Variants in COBL observed in about 807,000 individuals in gnomAD.
COBL encodes protein cordon-bleu.
In COBL, 51 loss-of-function variants were observed where a neutral mutation model predicts 98.8. The ratio of observed to expected loss-of-function variants is 0.52; its 90% CI spans 0.41 to 0.65. The LOEUF is 0.65. COBL is among the 30% of genes least tolerant of loss of function. The probability of loss-of-function intolerance (pLI) is 0.00; values close to 1 mark genes in which losing one functional copy is unlikely to be tolerated. For synonymous variants in COBL, 634 were observed against 651.7 expected (o/e 0.97, Z 0.41); for missense variants, 1,617 against 1,617.5 (o/e 1.00, Z 0.01).
At chr7:51,275,659 C>T (rs1236347120) in intron 1 of COBL, among the ~76,000 whole-genome samples, 1 of 152,098 alleles carries the variant, frequency 6.6e-6, no homozygotes, top group Non-Finnish European at 1.5e-5. Flanking sequence ...CACCAACCAC[C>T]ACCAGCCGCC....
At chr7:51,233,176 T>C (rs1389924494) in intron 1 of COBL, among the ~76,000 whole-genome samples, 1 of 152,222 alleles carries the variant, frequency 6.6e-6, no homozygotes, top group Non-Finnish European at 1.5e-5. Context: ...TAATTATGTA[T>C]AGTGACAGAA....
intron 7 of COBL, among the ~76,000 whole-genome samples, chr7:51,080,270 C>A (rs1269014075): frequency 1.3e-5 from 2 of 152,198 alleles, no homozygotes; most frequent in African/African-American, 2.4e-5. Context: ...ATCCATTATC[C>A]ATTAGCTTTT....
intron 1 of COBL, among the ~76,000 whole-genome samples, chr7:51,233,340 C>T (rs180798689): frequency 8.9e-4 from 135 of 152,200 alleles, no homozygotes; most frequent in Non-Finnish European, 1.8e-3. Context: ...AACAGAAACG[C>T]CAGACCTAGA....
chr7:51,031,012 C>A, intron 8 of COBL, 103 bp from the exon 9 acceptor site: 1 of 794,580 alleles, frequency 1.3e-6, no homozygotes. Context: ...TACTCAAATT[C>A]AAGCAGTCAC....
intron 1 of COBL, among the ~76,000 whole-genome samples, chr7:51,309,763 A>G (rs954384604): frequency 1.3e-5 from 2 of 152,250 alleles, no homozygotes; most frequent in Non-Finnish European, 2.9e-5. Context: ...ACAGGCCACA[A>G]ACCAATGACA....
Position 51,021,701 on chromosome 7 carries a change from C to T in COBL, c.3768+3408G>A, listed in dbSNP as rs113955566. Among the ~76,000 whole-genome samples the T allele has an allele frequency of 4.2e-3, 647 of 152,246 alleles. 4 individuals carry two copies. Among genetic ancestry groups the T allele is most frequent in the African/African-American group, 0.014 (592 of 41,562 alleles). On this transcript the variant is annotated intron_variant, in intron 12 of 12. Transcript: ENST00000265136. ...GGCAAAGTCCATATAATTTGATGTT[C>T]GCATGCCATAATATACACGAAAGTG...
At chr7:51,033,076 T>A (rs947815556) in intron 8 of COBL, 1 of 151,940 alleles carries the variant, frequency 6.6e-6, no homozygotes, top group Non-Finnish European at 1.5e-5. Flanking sequence ...TTAAAAAAAA[T>A]AATAAGATAA....
chr7:51,142,383 ATTTTTT>A lies in COBL; in HGVS notation c.784-6058_784-6053del, dbSNP rs10608547. On this transcript the variant is annotated intron_variant, in intron 5 of 12. Coordinates refer to ENST00000265136, the MANE Select transcript of COBL (RefSeq NM_015198.5). ...ACAAAGAGTATCCAACTGGTATTTG[ATTTTTT>A]TTTTTTTTTTTTTTTTTTGAGACAG... is the stretch of plus-strand genomic sequence containing the variant. Among the ~76,000 whole-genome samples, 12 of 71,424 alleles carry A rather than the reference ATTTTTT, an allele frequency of 1.7e-4. No homozygotes were observed. The East Asian group carries it at 2.8e-3, about 16-fold the overall frequency. 46.9% of individuals were successfully genotyped at this position (71,424 alleles called of 152,430 possible).
At chr7:51,151,598 C>T (rs1785565889) in intron 5 of COBL, among the ~76,000 whole-genome samples, 1 of 152,184 alleles carries the variant, frequency 6.6e-6, no homozygotes, top group Admixed American at 6.5e-5. Context: ...GACCTGGTAG[C>T]TTCACAAAAG....
At chr7:51,231,913 C>T (rs541982732) in intron 1 of COBL, among the ~76,000 whole-genome samples, 6 of 152,210 alleles carry the variant, frequency 3.9e-5, no homozygotes, top group South Asian at 4.2e-4. Flanking sequence ...AGCAGCACCT[C>T]GGGGGGAGGG....
chr7:51,091,230 CA>C (rs537424407), intron 6 of COBL, among the ~76,000 whole-genome samples: 2 of 151,888 alleles, frequency 1.3e-5, no homozygotes, highest in African/African-American at 2.4e-5. Context: ...CCAGAAAAGA[CA>C]AAAAAATTAA....
intron 1 of COBL, among the ~76,000 whole-genome samples, chr7:51,290,599 C>T (rs1040290796): frequency 3.3e-5 from 5 of 151,992 alleles, no homozygotes; most frequent in Admixed American, 6.6e-5. Context: ...TTTAGGCTCG[C>T]CCCACCCTGC....
intron 1 of COBL, among the ~76,000 whole-genome samples, chr7:51,229,694 C>T (rs980669560): frequency 6.6e-6 from 1 of 152,114 alleles, no homozygotes; most frequent in Non-Finnish European, 1.5e-5. Flanking sequence ...TTTTTTTCTT[C>T]TCTTATCCCC....
intron 1 of COBL, among the ~76,000 whole-genome samples, chr7:51,270,390 T>G (rs1428238245): frequency 6.6e-6 from 1 of 152,208 alleles, no homozygotes. Flanking sequence ...AATATGCTCA[T>G]TCATTCACAT....
At position 51,042,108 on chromosome 7, in the gene COBL, G is replaced by C. The variant is rs116416970; in HGVS notation, c.1406+1275C>G. ...GGTACAAGAGGGCCCAAATGTGAGA[G>C]AGCAGTTTTACAAGAAATTCAGACT... On this transcript the variant is annotated intron_variant, in intron 8 of 12. Coordinates refer to ENST00000265136, the MANE Select transcript of COBL (RefSeq NM_015198.5). Among the ~76,000 whole-genome samples, 1,047 of 152,190 alleles carry C rather than the reference G, an allele frequency of 6.9e-3. 12 individuals are homozygous for C. Among genetic ancestry groups the C allele is most frequent in the African/African-American group, 0.024 (1,003 of 41,530 alleles).
chr7:51,217,684 G>A (rs1264008706), intron 2 of COBL, among the ~76,000 whole-genome samples: 2 of 151,980 alleles, frequency 1.3e-5, no homozygotes, highest in Non-Finnish European at 2.9e-5. Flanking sequence ...CTAGGAATTG[G>A]GCTAAAATAT....
At chr7:51,181,422 A>G (rs1788938848) in intron 5 of COBL, among the ~76,000 whole-genome samples, 1 of 152,208 alleles carries the variant, frequency 6.6e-6, no homozygotes. Context: ...ACAAAATGCC[A>G]TACACTGGAT....
chr7:51,023,324 C>T (rs1260453285), intron 12 of COBL, among the ~76,000 whole-genome samples: 1 of 152,204 alleles, frequency 6.6e-6, no homozygotes, highest in African/African-American at 2.4e-5. Context: ...TGCCCCTATC[C>T]TGAGGAGATG....
At chr7:51,157,153 T>C (rs1786247545) in intron 5 of COBL, among the ~76,000 whole-genome samples, 1 of 152,124 alleles carries the variant, frequency 6.6e-6, no homozygotes, top group Admixed American at 6.5e-5. Flanking sequence ...GGCGGATCAC[T>C]TAAGGTCAGG....
Sources: gnomAD v4.1 joint callset for allele counts (sites outside exome capture counted in the v4.1 genomes callset) on GRCh38, gnomAD v4.1.1 for gene constraint, MANE v1.5 for transcripts, NCBI Gene and HGNC (gene_info 2026-07-23, HGNC 2026-07-21) for gene names.